Variants in CSNK2A2IP observed in about 807,000 individuals in gnomAD.
CSNK2A2IP encodes the protein casein kinase II subunit alpha'-interacting protein.
the CSNK2A2IP span, among the ~76,000 whole-genome samples, chr3:88,397,206 G>A: frequency 6.6e-6 from 1 of 152,100 alleles, no homozygotes; most frequent in Non-Finnish European, 1.5e-5. Context: ...AAGGGAGAAA[G>A]GGCCACTCTC....
chr3:88,446,670 T>A, the CSNK2A2IP span, among the ~76,000 whole-genome samples: 9 of 152,186 alleles, frequency 5.9e-5, no homozygotes, highest in African/African-American at 2.2e-4. Flanking sequence ...TTGAAGCATT[T>A]CTGGACTTGT....
chr3:88,370,181 A>G, the CSNK2A2IP span, among the ~76,000 whole-genome samples: 4 of 151,940 alleles, frequency 2.6e-5, no homozygotes, highest in Non-Finnish European at 5.9e-5. Flanking sequence ...AGGAGACACT[A>G]TGAAAGAAAA....
chr3:88,420,613 C>T, the CSNK2A2IP span, among the ~76,000 whole-genome samples: 6 of 152,074 alleles, frequency 3.9e-5, no homozygotes, highest in African/African-American at 1.4e-4. Flanking sequence ...GCAGTAGATT[C>T]ATTCATGAGG....
the CSNK2A2IP span, among the ~76,000 whole-genome samples, chr3:88,340,977 A>G: frequency 1.3e-5 from 2 of 151,918 alleles, no homozygotes; most frequent in Non-Finnish European, 2.9e-5. Flanking sequence ...TTTATGTCAA[A>G]TTTTGTTAGT....
the CSNK2A2IP span, among the ~76,000 whole-genome samples, chr3:88,357,284 A>T: frequency 6.6e-6 from 1 of 151,966 alleles, no homozygotes; most frequent in African/African-American, 2.4e-5. Context: ...TTTTTATATG[A>T]CGTGAGATAG....
At chr3:88,360,954 C>A in the CSNK2A2IP span, among the ~76,000 whole-genome samples, 10 of 151,988 alleles carry the variant, frequency 6.6e-5, no homozygotes, top group Admixed American at 2.0e-4. Context: ...CAAACAACAA[C>A]AAAAAAACAA....
the CSNK2A2IP span, among the ~76,000 whole-genome samples, chr3:88,339,352 C>A: frequency 1.3e-5 from 2 of 151,960 alleles, no homozygotes; most frequent in Non-Finnish European, 2.9e-5. Context: ...CCAGTTCTAT[C>A]CATGTTGCAA....
the CSNK2A2IP span, among the ~76,000 whole-genome samples, chr3:88,400,477 C>G: frequency 6.6e-6 from 1 of 152,094 alleles, no homozygotes; most frequent in Non-Finnish European, 1.5e-5. Context: ...GCAAAAGGAA[C>G]TTTGCAGGTG....
chr3:88,363,323 C>G, the CSNK2A2IP span, among the ~76,000 whole-genome samples: 11 of 152,146 alleles, frequency 7.2e-5, no homozygotes, highest in Non-Finnish European at 1.6e-4. Flanking sequence ...TCTGCAATGT[C>G]TAATCTACCA....
chr3:88,356,391 A>G, the CSNK2A2IP span, among the ~76,000 whole-genome samples: 1 of 151,840 alleles, frequency 6.6e-6, no homozygotes, highest in African/African-American at 2.4e-5. Flanking sequence ...TAGCATAATG[A>G]CCTCTAGTTC....
chr3:88,352,908 A>C, the CSNK2A2IP span, among the ~76,000 whole-genome samples: 2 of 152,140 alleles, frequency 1.3e-5, no homozygotes, highest in Admixed American at 6.6e-5. Flanking sequence ...ATTTATCCTA[A>C]ACTTCCTTCA....
At chr3:88,373,263 T>A in the CSNK2A2IP span, among the ~76,000 whole-genome samples, 1 of 151,294 alleles carries the variant, frequency 6.6e-6, no homozygotes, top group African/African-American at 2.4e-5. Flanking sequence ...TTCAAAAGGA[T>A]TGAACTTACC....
chr3:88,349,796 A>ATT, the CSNK2A2IP span, among the ~76,000 whole-genome samples: 1 of 151,984 alleles, frequency 6.6e-6, no homozygotes. Context: ...GCCAACATCT[A>ATT]TTTTTTTGTG....
the CSNK2A2IP span, among the ~76,000 whole-genome samples, chr3:88,461,568 T>TA: frequency 2.9e-3 from 439 of 152,102 alleles, 2 homozygotes; most frequent in African/African-American, 9.9e-3. Context: ...TAAAATAAAA[T>TA]AAAAATACTA....
chr3:88,422,246 G>A, the CSNK2A2IP span, among the ~76,000 whole-genome samples: 1 of 152,138 alleles, frequency 6.6e-6, no homozygotes, highest in African/African-American at 2.4e-5. Context: ...TTCTAGGATG[G>A]AAATGTAATA....
At chr3:88,407,120 G>T in the CSNK2A2IP span, among the ~76,000 whole-genome samples, 1 of 152,112 alleles carries the variant, frequency 6.6e-6, no homozygotes, top group African/African-American at 2.4e-5. Flanking sequence ...TATTGGCTCA[G>T]TATCAATAGA....
At chr3:88,371,060 TA>T in the CSNK2A2IP span, among the ~76,000 whole-genome samples, 187 of 151,522 alleles carry the variant, frequency 1.2e-3, no homozygotes, top group African/African-American at 3.3e-3. Context: ...TTATGTTGTT[TA>T]AACCAACCAC....
chr3:88,445,350 G>A, the CSNK2A2IP span, among the ~76,000 whole-genome samples: 12 of 146,704 alleles, frequency 8.2e-5, no homozygotes, highest in South Asian at 8.7e-4. Flanking sequence ...CTTGGGAGAC[G>A]AAGGCAGGAG....
At chr3:88,373,151 A>G in the CSNK2A2IP span, among the ~76,000 whole-genome samples, 2 of 151,458 alleles carry the variant, frequency 1.3e-5, no homozygotes, top group African/African-American at 2.4e-5. Flanking sequence ...TATTTATAAA[A>G]TACTCTAGCC....
Sources: allele counts gnomAD v4.1 joint callset (sites outside exome capture counted in the v4.1 genomes callset), GRCh38; gene constraint gnomAD v4.1.1; transcripts MANE v1.5; gene names NCBI Gene and HGNC (gene_info 2026-07-23, HGNC 2026-07-21).